The following GRK5 variants were observed in gnomAD, a reference collection of about 807,000 sequenced individuals.
GRK5 encodes the protein g protein-coupled receptor kinase GRK5.
In GRK5, 40 loss-of-function variants were observed where a neutral mutation model predicts 78.4. That is an observed-to-expected ratio of 0.51 (90% CI 0.40 to 0.66). GRK5 has a LOEUF of 0.66. Among genes scored for constraint, GRK5 ranks in the 30% least tolerant of loss-of-function variants. The pLI, the probability that GRK5 is intolerant of heterozygous loss-of-function variation, is 0.00. For missense variants in GRK5, 598 were observed against 759.9 expected (o/e 0.79, Z 2.50); for synonymous variants, 289 against 296.8 (o/e 0.97, Z 0.27).
intron 1 of GRK5, among the ~76,000 whole-genome samples, chr10:119,274,074 A>G (rs529506267): frequency 1.4e-4 from 21 of 152,196 alleles, no homozygotes; most frequent in Non-Finnish European, 2.4e-4. Context: ...TCAGCTCATT[A>G]GAGCTGGGTT....
At chr10:119,324,715 A>G (rs1162688238) in intron 1 of GRK5, among the ~76,000 whole-genome samples, 1 of 152,238 alleles carries the variant, frequency 6.6e-6, no homozygotes, top group African/African-American at 2.4e-5. Flanking sequence ...GGGCCAGTGC[A>G]TGGCTGAGCA....
At chr10:119,420,794 T>A (rs1049679498) in intron 4 of GRK5, among the ~76,000 whole-genome samples, 4 of 152,212 alleles carry the variant, frequency 2.6e-5, no homozygotes, top group African/African-American at 9.6e-5. Context: ...TTTCCCAGGC[T>A]GGTCTCAAAC....
At position 119,207,616 on chromosome 10, in the gene GRK5, G is replaced by A. The variant is rs970232127; in HGVS notation, c.-302G>A. On this transcript the variant is annotated 5_prime_UTR_variant, in exon 1 of 16. Transcript: ENST00000392870. ...AGCATCCGAGGGAGCCGGAGGGGAG[G>A]AGAATGGAGTGACAGAGACACGCGG... is the stretch of plus-strand genomic sequence containing the variant. 1 of 326,192 alleles carries A rather than the reference G, an allele frequency of 3.1e-6. No individual in the cohort carries two copies. 20.2% of individuals were successfully genotyped at this position (326,192 alleles called of 1,614,324 possible).
intron 12 of GRK5, among the ~76,000 whole-genome samples, chr10:119,443,981 C>A (rs1249191509): frequency 6.6e-6 from 1 of 151,960 alleles, no homozygotes; most frequent in East Asian, 1.9e-4. Flanking sequence ...CACCCAGGAA[C>A]CAAGGGAAGA....
intron 2 of GRK5, among the ~76,000 whole-genome samples, chr10:119,344,874 CT>C (rs1564898936): frequency 1.1e-4 from 8 of 69,742 alleles, no homozygotes; most frequent in Non-Finnish European, 2.4e-4. Flanking sequence ...AAGACCCACC[CT>C]TCCTTCCTTC....
intron 1 of GRK5, among the ~76,000 whole-genome samples, chr10:119,215,581 G>A (rs1291905465): frequency 6.6e-6 from 1 of 151,316 alleles, no homozygotes; most frequent in Admixed American, 6.6e-5. Context: ...GTTGGGAGTT[G>A]GGACTGACTC....
intron 1 of GRK5, among the ~76,000 whole-genome samples, chr10:119,219,213 A>C (rs1451754666): frequency 6.6e-6 from 1 of 152,012 alleles, no homozygotes; most frequent in Non-Finnish European, 1.5e-5. Context: ...TTTGAAAGCC[A>C]ACATGATGCA....
intron 4 of GRK5, among the ~76,000 whole-genome samples, chr10:119,419,851 A>G (rs1390476943): frequency 6.6e-6 from 1 of 152,210 alleles, no homozygotes; most frequent in Non-Finnish European, 1.5e-5. Flanking sequence ...CCCTTCTCTG[A>G]GCCGTGGGGC....
chr10:119,218,125 C>T (rs1848605559), intron 1 of GRK5, among the ~76,000 whole-genome samples: 1 of 150,226 alleles, frequency 6.7e-6, no homozygotes, highest in South Asian at 2.1e-4. Context: ...TGCAACTCTG[C>T]TTTTCAGGGG....
rs553311102 is a variant in GRK5 at position 119,383,201 on chromosome 10, G to A, written c.261+2274G>A. On this transcript the variant is annotated intron_variant, in intron 3 of 15. Transcript: ENST00000392870. The stretch of plus-strand genomic sequence containing the variant: ...CTCCCAAAGTGCTGGAACCACAGGC[G>A]TGAGCCACCGCGCCTGGCCTGGCTC... Among the ~76,000 whole-genome samples the A allele has an allele frequency of 2.7e-3, 418 of 152,336 alleles. 2 individuals are homozygous for A. The highest frequency in any genetic ancestry group is 9.1e-3 in the African/African-American group (377 of 41,574).
intron 3 of GRK5, among the ~76,000 whole-genome samples, chr10:119,393,330 G>C (rs1851917870): frequency 6.6e-6 from 1 of 152,236 alleles, no homozygotes; most frequent in Admixed American, 6.5e-5. Flanking sequence ...ATCCACCGGC[G>C]GGGCCTCTGC....
At chr10:119,328,911 GCTCCAGACCAGAGT>G (rs1850723121) in intron 2 of GRK5, among the ~76,000 whole-genome samples, 2 of 152,198 alleles carry the variant, frequency 1.3e-5, no homozygotes, top group African/African-American at 4.8e-5. Context: ...ATTTAAATGA[GCTCCAGACCAGAGT>G]CTCTCAGAGC....
intron 1 of GRK5, among the ~76,000 whole-genome samples, chr10:119,285,403 G>A (rs887398433): frequency 3.3e-5 from 5 of 152,224 alleles, no homozygotes; most frequent in Non-Finnish European, 7.3e-5. Context: ...TGGGTTGGGG[G>A]CAGAGATTGG....
chr10:119,367,144 T>C (rs2055338201), intron 2 of GRK5, among the ~76,000 whole-genome samples: 1 of 152,212 alleles, frequency 6.6e-6, no homozygotes, highest in Non-Finnish European at 1.5e-5. Flanking sequence ...GAAAGGCCAG[T>C]GTCTGAACCA....
intron 1 of GRK5, among the ~76,000 whole-genome samples, chr10:119,226,298 T>C (rs1848739292): frequency 1.3e-5 from 2 of 150,538 alleles, no homozygotes; most frequent in Admixed American, 6.6e-5. Context: ...TTTCTTTTTT[T>C]TTTTTTTAAT....
chr10:119,414,412 G>A (rs1343745012), intron 4 of GRK5, among the ~76,000 whole-genome samples: 36 of 152,166 alleles, frequency 2.4e-4, no homozygotes, highest in Admixed American at 2.4e-3. Flanking sequence ...ACACATGACA[G>A]CACTATACAA....
At chr10:119,342,497 C>T (rs906978956) in intron 2 of GRK5, among the ~76,000 whole-genome samples, 5 of 152,154 alleles carry the variant, frequency 3.3e-5, no homozygotes, top group Non-Finnish European at 7.4e-5. Flanking sequence ...GGGAGGGCTG[C>T]GTAGGGTCTG....
Position 119,376,244 on chromosome 10 carries a change from C to G in GRK5, c.149-4571C>G, listed in dbSNP as rs1053499859. On this transcript the variant is annotated intron_variant, in intron 2 of 15. Coordinates refer to ENST00000392870, the MANE Select transcript of GRK5 (RefSeq NM_005308.3). ...CCCTTCCCCTTTCCCAGTCACCTTC[C>G]TCTTCCAAATGTCACATCACAGAGA... 2.0e-5 allele frequency among the ~76,000 whole-genome samples: 3 copies of G among 152,188 alleles called. No homozygotes were observed. The South Asian group carries it at 6.2e-4, about 31-fold the overall frequency.
intron 1 of GRK5, among the ~76,000 whole-genome samples, chr10:119,284,893 T>G (rs1443082679): frequency 2.6e-5 from 4 of 152,206 alleles, no homozygotes. Flanking sequence ...GGCAGGGCTC[T>G]GCAGAGCACA....
Sources: allele counts gnomAD v4.1 joint callset (sites outside exome capture counted in the v4.1 genomes callset), GRCh38; gene constraint gnomAD v4.1.1; transcripts MANE v1.5; gene names NCBI Gene and HGNC (gene_info 2026-07-23, HGNC 2026-07-21).